Variants in MCU observed in about 807,000 individuals in gnomAD.
MCU encodes calcium uniporter protein, mitochondrial.
A neutral mutation model predicts 45.2 loss-of-function variants in MCU; 12 were observed. The ratio of observed to expected loss-of-function variants is 0.27; its 90% CI spans 0.17 to 0.43. MCU has a LOEUF of 0.43. Among genes scored for constraint, MCU ranks in the 20% least tolerant of loss-of-function variants. The probability of loss-of-function intolerance (pLI) is 1.00; values close to 1 mark genes in which losing one functional copy is unlikely to be tolerated. For synonymous variants in MCU, 160 were observed against 165.1 expected, an observed-to-expected ratio of 0.97 and a Z score of 0.24; for missense variants, 324 against 436.7, an observed-to-expected ratio of 0.74 and a Z score of 2.30.
intron 1 of MCU, among the ~76,000 whole-genome samples, chr10:72,733,332 C>T (rs1447686767): frequency 6.6e-6 from 1 of 152,178 alleles, no homozygotes; most frequent in African/African-American, 2.4e-5. Context: ...TGGCACGTGC[C>T]TGTAATCCCA....
At chr10:72,847,014 C>T (rs541911814) in intron 2 of MCU, among the ~76,000 whole-genome samples, 10 of 152,310 alleles carry the variant, frequency 6.6e-5, no homozygotes, top group East Asian at 3.9e-4. Flanking sequence ...CCCTGTCGCC[C>T]GGGCTGGAGT....
intron 1 of MCU, among the ~76,000 whole-genome samples, chr10:72,737,833 T>G (rs990552342): frequency 6.6e-6 from 1 of 152,152 alleles, no homozygotes; most frequent in Non-Finnish European, 1.5e-5. Context: ...TTCCCCTTTT[T>G]CTGTTTCTTA....
At chr10:72,799,124 A>G (rs970644324) in intron 1 of MCU, among the ~76,000 whole-genome samples, 11 of 151,688 alleles carry the variant, frequency 7.3e-5, no homozygotes. Flanking sequence ...ACGGGGTTTC[A>G]CCATATGGCC....
intron 1 of MCU, among the ~76,000 whole-genome samples, chr10:72,747,073 G>T (rs1228434394): frequency 6.6e-6 from 1 of 152,212 alleles, no homozygotes; most frequent in African/African-American, 2.4e-5. Context: ...CAGGGCAGAG[G>T]TGCTGATTTT....
At chr10:72,758,310 A>G (rs1310376136) in intron 1 of MCU, among the ~76,000 whole-genome samples, 4 of 152,222 alleles carry the variant, frequency 2.6e-5, no homozygotes, top group African/African-American at 9.6e-5. Context: ...AGTAGCTGGT[A>G]CTACAGCCAC....
At chr10:72,821,219 A>G (rs1426218997) in intron 1 of MCU, among the ~76,000 whole-genome samples, 1 of 149,928 alleles carries the variant, frequency 6.7e-6, no homozygotes, top group African/African-American at 2.5e-5. Flanking sequence ...TAGGTTTGTA[A>G]GACTTTTTTT....
chr10:72,741,307 G>A (rs900567184), intron 1 of MCU, among the ~76,000 whole-genome samples: 4 of 151,972 alleles, frequency 2.6e-5, no homozygotes, highest in Admixed American at 2.6e-4. Flanking sequence ...CACCATGTTG[G>A]CCAGGCCGGT....
intron 1 of MCU, among the ~76,000 whole-genome samples, chr10:72,799,153 T>C (rs1348466165): frequency 1.3e-5 from 2 of 152,136 alleles, no homozygotes; most frequent in African/African-American, 4.8e-5. Flanking sequence ...CTCGAACTCC[T>C]GACCTTGTGA....
At chr10:72,712,202 G>A (rs1842903789) in intron 1 of MCU, 1 of 152,144 alleles carries the variant, frequency 6.6e-6, no homozygotes, top group Non-Finnish European at 1.5e-5. Context: ...AATTTATTAT[G>A]TCATTTTTAA....
At chr10:72,857,415 T>G (rs959905587) in intron 2 of MCU, among the ~76,000 whole-genome samples, 2 of 152,144 alleles carry the variant, frequency 1.3e-5, no homozygotes, top group African/African-American at 4.8e-5. Context: ...AATTTTTTTA[T>G]TTTTAGTAGA....
chr10:72,731,601 A>G (rs1278958881), intron 1 of MCU, among the ~76,000 whole-genome samples: 2 of 152,060 alleles, frequency 1.3e-5, no homozygotes, highest in Non-Finnish European at 2.9e-5. Context: ...ACAACAATCC[A>G]TGTTTAGCAA....
intron 1 of MCU, among the ~76,000 whole-genome samples, chr10:72,745,721 C>T (rs1843406222): frequency 6.6e-6 from 1 of 151,892 alleles, no homozygotes; most frequent in Admixed American, 6.6e-5. Context: ...GGTATATTAC[C>T]ATTATGTGGT....
At chr10:72,715,877 C>T (rs749266035) in intron 1 of MCU, 8 of 985,462 alleles carry the variant, frequency 8.1e-6, no homozygotes, top group South Asian at 4.7e-5. Flanking sequence ...GACCTGTTCA[C>T]GCAGGGGAAA....
chr10:72,785,501 T>C (rs1445883350), intron 1 of MCU, among the ~76,000 whole-genome samples: 2 of 152,256 alleles, frequency 1.3e-5, no homozygotes, highest in Non-Finnish European at 2.9e-5. Context: ...GGAAACAGAA[T>C]ATAAAATAGC....
At chr10:72,748,131 T>C (rs1394884792) in intron 1 of MCU, among the ~76,000 whole-genome samples, 1 of 151,344 alleles carries the variant, frequency 6.6e-6, no homozygotes, top group Non-Finnish European at 1.5e-5. Flanking sequence ...CACTGCAACC[T>C]CTGCCTCCCG....
chr10:72,784,669 G>A (rs1844045472), intron 1 of MCU, among the ~76,000 whole-genome samples: 1 of 152,180 alleles, frequency 6.6e-6, no homozygotes, highest in Non-Finnish European at 1.5e-5. Context: ...CAAGGGAACA[G>A]TCTCCTCATT....
At chr10:72,813,070 C>T (rs777236419) in intron 1 of MCU, among the ~76,000 whole-genome samples, 43 of 152,100 alleles carry the variant, frequency 2.8e-4, no homozygotes, top group Non-Finnish European at 5.9e-4. Flanking sequence ...TGTCCTAGCC[C>T]AACATTCTGG....
intron 1 of MCU, among the ~76,000 whole-genome samples, chr10:72,799,220 G>A (rs57680999): frequency 0.04 from 6,093 of 152,204 alleles, 395 homozygotes; most frequent in African/African-American, 0.14. Context: ...CATCACGCCC[G>A]GCCTCAACCT....
Position 72,709,837 on chromosome 10 carries a change from T to C in MCU, c.150+17536T>C, listed in dbSNP as rs764254424. On this transcript the variant is annotated intron_variant, in intron 1 of 7. Coordinates refer to ENST00000373053, the MANE Select transcript of MCU (RefSeq NM_138357.3). Reference sequence around the variant, plus strand: ...AATTTTGGAATATTCATTTACTTAATGGACAGCTGAACTCCAGTCAGTGCT... The same window carrying C: ...AATTTTGGAATATTCATTTACTTAACGGACAGCTGAACTCCAGTCAGTGCT... Among the ~76,000 whole-genome samples the C allele has an allele frequency of 4.8e-4, 73 of 152,222 alleles. 1 individual carries two copies. Among genetic ancestry groups the C allele is most frequent in the Non-Finnish European group, 1.3e-4 (9 of 68,034 alleles).
Sources: gnomAD v4.1 joint callset for allele counts (sites outside exome capture counted in the v4.1 genomes callset) on GRCh38, gnomAD v4.1.1 for gene constraint, MANE v1.5 for transcripts, NCBI Gene and HGNC (gene_info 2026-07-23, HGNC 2026-07-21) for gene names.